Variants in DCUN1D3 observed in about 807,000 individuals in gnomAD.
DCUN1D3 encodes DCN1-like protein 3.
Under a neutral mutation model 24.8 loss-of-function variants are expected in DCUN1D3, and 6 were observed. The observed-to-expected ratio is 0.24, with a 90% CI of 0.13 to 0.48. The LOEUF is 0.48. DCUN1D3 is among the 20% of genes least tolerant of loss of function. DCUN1D3 has a pLI of 0.99. For synonymous variants in DCUN1D3, 120 were observed against 144.9 expected, an observed-to-expected ratio of 0.83 and a Z score of 1.24; for missense variants, 258 against 379.4, an observed-to-expected ratio of 0.68 and a Z score of 2.66.
intron 1 of DCUN1D3, among the ~76,000 whole-genome samples, chr16:20,884,896 C>T (rs929942258): frequency 6.6e-6 from 1 of 151,454 alleles, no homozygotes; most frequent in African/African-American, 2.4e-5. Flanking sequence ...GCCTGGGCAA[C>T]AGAGTAAGAC....
At chr16:20,898,591 C>T (rs1028915277) in intron 1 of DCUN1D3, among the ~76,000 whole-genome samples, 6 of 152,200 alleles carry the variant, frequency 3.9e-5, no homozygotes, top group African/African-American at 9.7e-5. Flanking sequence ...CATCTAAACA[C>T]GCTGTTACTG....
chr16:20,883,697 G>C (rs892962544), intron 1 of DCUN1D3, among the ~76,000 whole-genome samples: 5 of 152,128 alleles, frequency 3.3e-5, no homozygotes, highest in South Asian at 2.1e-4. Context: ...AGGCCAAACT[G>C]TTCAGAAGGA....
intron 1 of DCUN1D3, among the ~76,000 whole-genome samples, chr16:20,892,524 T>A (rs2152519056): frequency 6.6e-6 from 1 of 152,332 alleles, no homozygotes; most frequent in East Asian, 1.9e-4. Context: ...GAAAGCCAAT[T>A]TGCTTTACAG....
At chr16:20,873,381 A>G (rs1269205717) in intron 1 of DCUN1D3, among the ~76,000 whole-genome samples, 1 of 152,242 alleles carries the variant, frequency 6.6e-6, no homozygotes, top group Non-Finnish European at 1.5e-5. Flanking sequence ...CCCCTTATCA[A>G]AGGTTTAACA....
intron 1 of DCUN1D3, among the ~76,000 whole-genome samples, chr16:20,890,966 C>T (rs1473080994): frequency 3.3e-5 from 5 of 150,084 alleles, no homozygotes; most frequent in Admixed American, 2.0e-4. Context: ...CCAAAGAGAA[C>T]ATGGATGTTG....
rs541813157 is a variant in DCUN1D3, at chr16:20,882,349, T to A, written c.-106+17855A>T. Reference sequence around the variant, plus strand: ...CTCACCAAAACCTCCACCTCCCGGGTTCAAGCAATTCTCCTGCCTCAGCCT... The same window carrying A: ...CTCACCAAAACCTCCACCTCCCGGGATCAAGCAATTCTCCTGCCTCAGCCT... On this transcript the variant is annotated intron_variant, in intron 1 of 2. Transcript: ENST00000324344. 1.5e-3 allele frequency among the ~76,000 whole-genome samples: 227 copies of A among 150,076 alleles called. 1 individual carries two copies. The highest frequency in any genetic ancestry group is 5.4e-3 in the African/African-American group (219 of 40,696).
chr16:20,873,203 A>AT (rs1345546664), intron 1 of DCUN1D3, among the ~76,000 whole-genome samples: 3 of 151,992 alleles, frequency 2.0e-5, no homozygotes, highest in Non-Finnish European at 4.4e-5. Context: ...TTTTTAAATG[A>AT]TGGGGGAATG....
chr16:20,871,379 G>T (rs1449607325), intron 1 of DCUN1D3, among the ~76,000 whole-genome samples: 1 of 152,238 alleles, frequency 6.6e-6, no homozygotes, highest in Non-Finnish European at 1.5e-5. Context: ...AAGGGAGAAA[G>T]GGGGTAGGGA....
chr16:20,863,459 G>A (rs1318163393), intron 1 of DCUN1D3, among the ~76,000 whole-genome samples: 3 of 152,222 alleles, frequency 2.0e-5, no homozygotes, highest in African/African-American at 2.4e-5. Flanking sequence ...GAAGGACTGG[G>A]GCCGGTTGCA....
At position 20,862,521 on chromosome 16, in the gene DCUN1D3, G is replaced by C. The variant is rs915768448; in HGVS notation, c.18C>G (p.Thr6=). 1.2e-5 allele frequency: 19 copies of C among 1,604,334 alleles called. No homozygotes were observed. The highest frequency in any genetic ancestry group is 1.6e-5 in the Non-Finnish European group (19 of 1,179,608). The change falls in exon 2 of 3, where the codon ACC becomes ACG. Residue 6 remains threonine, a synonymous_variant. Coordinates refer to ENST00000324344, the MANE Select transcript of DCUN1D3 (RefSeq NM_173475.4). Reference sequence around the variant, plus strand: ...GGGTCGATGAGGGATTCTTACACTTGGTGACACACTGGCCCATGGTGCTGG... The same window carrying C: ...GGGTCGATGAGGGATTCTTACACTTCGTGACACACTGGCCCATGGTGCTGG... The part of the protein sequence containing the change: MGQCV[T]KCKNPSSTLG...
chr16:20,870,031 C>A (rs939834195), intron 1 of DCUN1D3, among the ~76,000 whole-genome samples: 1 of 152,142 alleles, frequency 6.6e-6, no homozygotes, highest in African/African-American at 2.4e-5. Flanking sequence ...ACAGAATACG[C>A]CCCCAGGAAG....
intron 1 of DCUN1D3, among the ~76,000 whole-genome samples, chr16:20,866,808 C>T (rs1203889548): frequency 6.6e-6 from 1 of 152,150 alleles, no homozygotes; most frequent in Non-Finnish European, 1.5e-5. Context: ...AAAATATCTC[C>T]AGATCTGGTA....
chr16:20,877,617 C>T (rs1481078966), intron 1 of DCUN1D3, among the ~76,000 whole-genome samples: 8 of 152,178 alleles, frequency 5.3e-5, no homozygotes, highest in African/African-American at 9.7e-5. Context: ...TATATTAACT[C>T]GTGATTGAAT....
chr16:20,862,579 T>C lies in DCUN1D3; in HGVS notation c.-41A>G, dbSNP rs758472474. 1 of 1,559,714 alleles carries C rather than the reference T, an allele frequency of 6.4e-7. No individual in the cohort carries two copies. Among genetic ancestry groups the C allele is most frequent in the South Asian group, 1.2e-5 (1 of 84,682 alleles). ...GCCTCTAGAGTGGACCCCTCTGGATTGGATGCCCTCGCTGCCGCTGGCCCA... is the reference window on the plus strand; with the variant it reads ...GCCTCTAGAGTGGACCCCTCTGGATCGGATGCCCTCGCTGCCGCTGGCCCA... On this transcript the variant is annotated 5_prime_UTR_variant, in exon 2 of 3. Transcript: ENST00000324344.
In DCUN1D3 at chr16:20,868,087, T is replaced by C. The variant is rs562608275; in HGVS notation, c.-105-5444A>G. Among the ~76,000 whole-genome samples the C allele has an allele frequency of 8.5e-5, 13 of 152,190 alleles. No homozygotes were observed. In the South Asian group the frequency reaches 2.5e-3, roughly 29 times the overall value. On this transcript the variant is annotated intron_variant, in intron 1 of 2. Transcript: ENST00000324344. ...ACTTAGTCCCAACTCTGTAGATCTCTGCAAAAGAAAGGATGTCTAGCTTTC... is the reference window on the plus strand; with the variant it reads ...ACTTAGTCCCAACTCTGTAGATCTCCGCAAAAGAAAGGATGTCTAGCTTTC...
At chr16:20,889,800 T>C (rs1481119100) in intron 1 of DCUN1D3, among the ~76,000 whole-genome samples, 1 of 152,154 alleles carries the variant, frequency 6.6e-6, no homozygotes, top group African/African-American at 2.4e-5. Flanking sequence ...ACAAGGTGAT[T>C]TCACCATGGG....
At chr16:20,894,582 T>G (rs1337638694) in intron 1 of DCUN1D3, among the ~76,000 whole-genome samples, 3 of 152,182 alleles carry the variant, frequency 2.0e-5, no homozygotes, top group Non-Finnish European at 4.4e-5. Flanking sequence ...CAAGCTTCTG[T>G]GTGGCAATTC....
At chr16:20,889,410 G>C (rs536067148) in intron 1 of DCUN1D3, among the ~76,000 whole-genome samples, 1 of 152,038 alleles carries the variant, frequency 6.6e-6, no homozygotes, top group Non-Finnish European at 1.5e-5. Flanking sequence ...CATGAAATCT[G>C]TATTATAAAG....
intron 1 of DCUN1D3, among the ~76,000 whole-genome samples, chr16:20,882,004 T>C (rs1435933324): frequency 6.6e-6 from 1 of 152,074 alleles, no homozygotes; most frequent in South Asian, 2.1e-4. Context: ...GGTTTTGCCG[T>C]GTTGGTCAGG....
Sources: allele counts gnomAD v4.1 joint callset (sites outside exome capture counted in the v4.1 genomes callset), GRCh38; gene constraint gnomAD v4.1.1; transcripts MANE v1.5; gene names NCBI Gene and HGNC (gene_info 2026-07-23, HGNC 2026-07-21).